The following PIGK variants were observed in gnomAD, a reference collection of about 807,000 sequenced individuals.
The protein encoded by PIGK is GPI-anchor transamidase.
Under a neutral mutation model 50.6 loss-of-function variants are expected in PIGK, and 42 were observed. The observed-to-expected ratio is 0.83, with a 90% CI of 0.65 to 1.07. The LOEUF (loss-of-function observed/expected upper bound fraction) is 1.07. PIGK is among the 50% of genes least tolerant of loss of function. The probability of loss-of-function intolerance (pLI) is 0.00; values close to 1 mark genes in which losing one functional copy is unlikely to be tolerated. For synonymous variants in PIGK, 151 were observed against 156.0 expected (o/e 0.97, Z 0.24); for missense variants, 448 against 488.7 (o/e 0.92, Z 0.78).
At chr1:77,115,519 C>A (rs754896918) in intron 10 of PIGK, among the ~76,000 whole-genome samples, 5 of 151,824 alleles carry the variant, frequency 3.3e-5, no homozygotes, top group African/African-American at 7.3e-5. Context: ...TGCCAAACAT[C>A]CTGCGATGCA....
At chr1:77,184,007 T>C (rs567101198) in intron 3 of PIGK, among the ~76,000 whole-genome samples, 1 of 152,302 alleles carries the variant, frequency 6.6e-6, no homozygotes, top group Non-Finnish European at 1.5e-5. Context: ...GTATGTCAGA[T>C]CTGACAGTGG....
chr1:77,144,525 C>A (rs1189805867), intron 9 of PIGK, among the ~76,000 whole-genome samples: 3 of 151,860 alleles, frequency 2.0e-5, no homozygotes, highest in African/African-American at 7.2e-5. Flanking sequence ...TTGGAAACTA[C>A]TACTCCTAGT....
At chr1:77,108,011 A>G (rs909549905) in intron 10 of PIGK, among the ~76,000 whole-genome samples, 4 of 152,112 alleles carry the variant, frequency 2.6e-5, no homozygotes, top group African/African-American at 9.7e-5. Flanking sequence ...TTTCCTGAAT[A>G]CAGCACACTG....
Position 77,135,839 on chromosome 1 carries a change from C to T in PIGK, c.987-13480G>A, listed in dbSNP as rs201823453. On this transcript the variant is annotated intron_variant, in intron 9 of 10. Transcript: ENST00000370812. Reference sequence around the variant, plus strand: ...CCAGAATACTTTAACCAATCACTTCCTCTTCTCTTACACAATGTTGTTATT... The same window carrying T: ...CCAGAATACTTTAACCAATCACTTCTTCTTCTCTTACACAATGTTGTTATT... Among the ~76,000 whole-genome samples the T allele has an allele frequency of 1.5e-4, 23 of 151,192 alleles. No individual in the cohort carries two copies. The East Asian group carries it at 3.9e-3, about 25-fold the overall frequency.
intron 10 of PIGK, among the ~76,000 whole-genome samples, chr1:77,108,760 T>G (rs1202184605): frequency 6.6e-6 from 1 of 152,216 alleles, no homozygotes; most frequent in Non-Finnish European, 1.5e-5. Flanking sequence ...TTTTACATAG[T>G]CCCATATTTC....
intron 3 of PIGK, among the ~76,000 whole-genome samples, chr1:77,171,618 A>C (rs890175890): frequency 6.6e-6 from 1 of 152,000 alleles, no homozygotes; most frequent in East Asian, 1.9e-4. Flanking sequence ...TCTTAGAGAT[A>C]ATTTTAAGCC....
Position 77,090,266 on chromosome 1 carries a change from CAAT to C in PIGK, c.*2105_*2107del, listed in dbSNP as rs1388692557. 1 of 152,124 alleles carries C rather than the reference CAAT, an allele frequency of 6.6e-6. No homozygotes were observed. Among genetic ancestry groups the C allele is most frequent in the African/African-American group, 2.4e-5 (1 of 41,422 alleles). 9.4% of individuals were successfully genotyped at this position (152,124 alleles called of 1,614,324 possible). A position where few individuals can be genotyped will look rare whatever the true frequency, so the allele number is the denominator to read the frequency against. ...AGTGTAGGCCATTTAATTGCACTGA[CAAT>C]ATTTCCTAAACGTACTCATCTACCA... On this transcript the variant is annotated 3_prime_UTR_variant, in exon 11 of 11. Coordinates refer to ENST00000370812, the MANE Select transcript of PIGK (RefSeq NM_005482.3).
chr1:77,181,541 A>G (rs1655615327), intron 3 of PIGK, among the ~76,000 whole-genome samples: 1 of 152,198 alleles, frequency 6.6e-6, no homozygotes, highest in Non-Finnish European at 1.5e-5. Context: ...GCCTAATCAC[A>G]TACTACCTTA....
At chr1:77,146,633 T>C (rs1481543280) in intron 9 of PIGK, among the ~76,000 whole-genome samples, 1 of 151,794 alleles carries the variant, frequency 6.6e-6, no homozygotes, top group African/African-American at 2.4e-5. Context: ...CCGTCTCTAC[T>C]AAAATACAAA....
intron 3 of PIGK, among the ~76,000 whole-genome samples, chr1:77,193,486 C>A (rs1335087300): frequency 6.6e-6 from 1 of 152,124 alleles, no homozygotes; most frequent in Non-Finnish European, 1.5e-5. Flanking sequence ...CTCTGGAAAG[C>A]CCGAAGATAT....
chr1:77,182,205 T>C (rs913416315), intron 3 of PIGK, among the ~76,000 whole-genome samples: 7 of 152,200 alleles, frequency 4.6e-5, no homozygotes, highest in African/African-American at 1.7e-4. Context: ...ATAACGAAGA[T>C]AACAGCTAAC....
intron 3 of PIGK, among the ~76,000 whole-genome samples, chr1:77,179,760 A>G (rs888301683): frequency 4.6e-5 from 7 of 151,550 alleles, no homozygotes; most frequent in Non-Finnish European, 8.8e-5. Flanking sequence ...TATAAACATA[A>G]TTTGATGATA....
At chr1:77,190,666 T>C (rs1655883763) in intron 3 of PIGK, among the ~76,000 whole-genome samples, 1 of 152,194 alleles carries the variant, frequency 6.6e-6, no homozygotes, top group Non-Finnish European at 1.5e-5. Flanking sequence ...AGTGCCTCAA[T>C]TGTAAAACTA....
At chr1:77,153,537 A>C (rs1050604040) in intron 9 of PIGK, 3 of 152,190 alleles carry the variant, frequency 2.0e-5, no homozygotes, top group Non-Finnish European at 2.9e-5. Context: ...GAGGTGATGG[A>C]TATTCCAGTT....
rs563676317 is a variant in PIGK at position 77,116,276 on chromosome 1, C to T, written c.1071+5999G>A. Among the ~76,000 whole-genome samples the T allele has an allele frequency of 1.2e-3, 176 of 152,086 alleles. 1 individual carries two copies. The highest frequency in any genetic ancestry group is 4.1e-3 in the African/African-American group (170 of 41,504). Reference sequence around the variant, plus strand: ...TCGGCTCACTGAAAGCTCCACCTCCCGGGTTCACACCATTCTCCTGCCTCA... The same window carrying T: ...TCGGCTCACTGAAAGCTCCACCTCCTGGGTTCACACCATTCTCCTGCCTCA... On this transcript the variant is annotated intron_variant, in intron 10 of 10. Transcript: ENST00000370812.
intron 3 of PIGK, among the ~76,000 whole-genome samples, chr1:77,191,341 T>C (rs560541620): frequency 1.3e-5 from 2 of 152,320 alleles, no homozygotes; most frequent in African/African-American, 4.8e-5. Context: ...TATTCTCACG[T>C]TCAACAGAAA....
At chr1:77,202,699 G>GA (rs1027942416) in intron 3 of PIGK, among the ~76,000 whole-genome samples, 3 of 151,596 alleles carry the variant, frequency 2.0e-5, no homozygotes, top group South Asian at 2.1e-4. Flanking sequence ...TACAGAATAA[G>GA]AAAAAAAACA....
chr1:77,161,494 G>T, intron 7 of PIGK, 89 bp from the exon 8 acceptor site: 1 of 957,468 alleles, frequency 1.0e-6, no homozygotes, highest in Non-Finnish European at 1.7e-6. Flanking sequence ...TAATGTATTA[G>T]TCTAAGAAAG....
At chr1:77,159,475 G>A (rs1655086683) in intron 8 of PIGK, among the ~76,000 whole-genome samples, 1 of 152,168 alleles carries the variant, frequency 6.6e-6, no homozygotes, top group Non-Finnish European at 1.5e-5. Context: ...GTCCCAGAAT[G>A]GTAGATCCAC....
Sources: allele counts gnomAD v4.1 joint callset (sites outside exome capture counted in the v4.1 genomes callset), GRCh38; gene constraint gnomAD v4.1.1; transcripts MANE v1.5; gene names NCBI Gene and HGNC (gene_info 2026-07-23, HGNC 2026-07-21).